The following GAREM1 variants were observed in gnomAD, a reference collection of about 807,000 sequenced individuals.
GAREM1 encodes the protein GRB2 associated regulator of MAPK1 subtype 1.
A neutral mutation model predicts 71.3 loss-of-function variants in GAREM1; 26 were observed. The observed-to-expected ratio is 0.36, with a 90% CI of 0.27 to 0.51. The LOEUF is 0.51. Among genes scored for constraint, GAREM1 ranks in the 20% least tolerant of loss-of-function variants. The probability of loss-of-function intolerance (pLI) is 0.95; values close to 1 mark genes in which losing one functional copy is unlikely to be tolerated. For missense variants in GAREM1, 1,026 were observed against 1,103.1 expected (o/e 0.93, Z 0.99); for synonymous variants, 440 against 433.2 (o/e 1.02, Z -0.20).
chr18:32,319,956 T>A (rs565324314), intron 2 of GAREM1, among the ~76,000 whole-genome samples: 8 of 152,196 alleles, frequency 5.3e-5, no homozygotes, highest in African/African-American at 1.7e-4. Flanking sequence ...GCCCCAGTGA[T>A]GTTGAAGTTA....
chr18:32,317,750 C>T (rs2047394231), intron 2 of GAREM1, among the ~76,000 whole-genome samples: 1 of 143,338 alleles, frequency 7.0e-6, no homozygotes, highest in African/African-American at 2.6e-5. Context: ...ACGTTAAGTA[C>T]TCTGGGAAAA....
intron 2 of GAREM1, among the ~76,000 whole-genome samples, chr18:32,374,312 G>A (rs1246659706): frequency 6.6e-6 from 1 of 152,192 alleles, no homozygotes; most frequent in Admixed American, 6.5e-5. Context: ...ACAATAATTA[G>A]AGTGCTTCCT....
intron 2 of GAREM1, among the ~76,000 whole-genome samples, chr18:32,320,588 G>T (rs2047419177): frequency 6.6e-6 from 1 of 152,068 alleles, no homozygotes; most frequent in African/African-American, 2.4e-5. Flanking sequence ...CAAAAATAAT[G>T]AACTGCACCA....
intron 4 of GAREM1, among the ~76,000 whole-genome samples, chr18:32,270,960 G>A (rs2041454003): frequency 7.6e-6 from 1 of 130,896 alleles, no homozygotes; most frequent in African/African-American, 2.7e-5. Context: ...GGAATGCAAT[G>A]GCACAATCTC....
At chr18:32,292,176 C>G (rs768622313) in intron 3 of GAREM1, among the ~76,000 whole-genome samples, 8 of 152,122 alleles carry the variant, frequency 5.3e-5, no homozygotes, top group African/African-American at 1.9e-4. Context: ...TTTTAAATGA[C>G]TGCCATTCTA....
intron 2 of GAREM1, among the ~76,000 whole-genome samples, chr18:32,369,536 A>G (rs1283024196): frequency 2.0e-5 from 3 of 152,178 alleles, no homozygotes; most frequent in Non-Finnish European, 2.9e-5. Context: ...GGATGGAGGG[A>G]GGGATTTACA....
chr18:32,458,690 T>C (rs2048921240), intron 1 of GAREM1, among the ~76,000 whole-genome samples: 1 of 151,392 alleles, frequency 6.6e-6, no homozygotes, highest in African/African-American at 2.4e-5. Context: ...GCTCAGGAAA[T>C]TCACAAACAA....
At chr18:32,315,423 A>G (rs1457801818) in intron 2 of GAREM1, among the ~76,000 whole-genome samples, 1 of 147,740 alleles carries the variant, frequency 6.8e-6, no homozygotes, top group Non-Finnish European at 1.5e-5. Context: ...ATAAATATAT[A>G]TAAAGTATAT....
chr18:32,458,166 T>C (rs1457688287), intron 1 of GAREM1, among the ~76,000 whole-genome samples: 2 of 152,128 alleles, frequency 1.3e-5, no homozygotes, highest in Admixed American at 6.6e-5. Context: ...AATAATTAAA[T>C]ATTTTTACAA....
rs1369494572 is a variant in GAREM1 at position 32,310,216 on chromosome 18, C to T, written c.370G>A (p.Glu124Lys). The T allele has an allele frequency of 4.3e-6, 7 of 1,614,020 alleles. No homozygotes were observed. The highest frequency in any genetic ancestry group is 1.3e-5 in the African/African-American group (1 of 74,926). ...KAFPERVYVM[E>K]DITFNVKVAS... ...ACCTTCACGTTGAATGTGATATCCTCCATGACGTACACGCGTTCAGGAAAT... is the reference window on the plus strand; with the variant it reads ...ACCTTCACGTTGAATGTGATATCCTTCATGACGTACACGCGTTCAGGAAAT... Residue 124 changes from glutamate to lysine, a missense_variant, in exon 3 of 6, where the codon GAG becomes AAG. Glu to Lys is a moderately conservative substitution (Grantham distance 56). Transcript: ENST00000269209.
chr18:32,355,220 T>C (rs1465578206), intron 2 of GAREM1, among the ~76,000 whole-genome samples: 1 of 152,146 alleles, frequency 6.6e-6, no homozygotes. Flanking sequence ...GTATTCTTTT[T>C]CCACATCTAT....
chr18:32,277,894 T>C (rs970982650), intron 4 of GAREM1, among the ~76,000 whole-genome samples: 1 of 152,090 alleles, frequency 6.6e-6, no homozygotes, highest in Admixed American at 6.5e-5. Flanking sequence ...AACTGAAACA[T>C]ACATACAATT....
At chr18:32,389,840 T>C (rs1252075982) in intron 2 of GAREM1, among the ~76,000 whole-genome samples, 1 of 152,138 alleles carries the variant, frequency 6.6e-6, no homozygotes, top group Non-Finnish European at 1.5e-5. Context: ...TGATCAATCA[T>C]ATCAAGACTC....
intron 2 of GAREM1, among the ~76,000 whole-genome samples, chr18:32,320,840 G>A (rs1236134551): frequency 6.6e-6 from 1 of 152,126 alleles, no homozygotes; most frequent in Admixed American, 6.5e-5. Context: ...CTGGTTAATT[G>A]CTTCTTCAGA....
In GAREM1 at chr18:32,454,049, T is replaced by C. The variant is rs553660111; in HGVS notation, c.121+16259A>G. On this transcript the variant is annotated intron_variant, in intron 1 of 5. Transcript: ENST00000269209. ...CGTAATATGAGAAAAAATTACACTA[T>C]GGTTGTATATAATAGTGACCTCATC... 3.9e-5 allele frequency among the ~76,000 whole-genome samples: 6 copies of C among 152,270 alleles called. No individual in the cohort carries two copies. The East Asian group carries it at 7.7e-4, about 20-fold the overall frequency.
At chr18:32,327,842 C>T (rs2047488921) in intron 2 of GAREM1, among the ~76,000 whole-genome samples, 1 of 152,208 alleles carries the variant, frequency 6.6e-6, no homozygotes, top group African/African-American at 2.4e-5. Context: ...GAGGACATTT[C>T]GGGGCTTCAG....
chr18:32,331,220 T>C (rs2047532283), intron 2 of GAREM1, among the ~76,000 whole-genome samples: 3 of 152,230 alleles, frequency 2.0e-5, no homozygotes, highest in Admixed American at 2.0e-4. Flanking sequence ...TTTGGAGTTA[T>C]ACCCTTTCTT....
At chr18:32,314,645 A>G (rs1466301008) in intron 2 of GAREM1, among the ~76,000 whole-genome samples, 1 of 151,230 alleles carries the variant, frequency 6.6e-6, no homozygotes, top group African/African-American at 2.4e-5. Flanking sequence ...CTGGAGTGCA[A>G]TGCTGCGATC....
At chr18:32,320,931 T>C (rs570493835) in intron 2 of GAREM1, among the ~76,000 whole-genome samples, 35 of 152,320 alleles carry the variant, frequency 2.3e-4, no homozygotes, top group Non-Finnish European at 4.1e-4. Context: ...TGGTTGCTAA[T>C]ACATTATGAA....
Sources: gnomAD v4.1 joint callset for allele counts (sites outside exome capture counted in the v4.1 genomes callset) on GRCh38, gnomAD v4.1.1 for gene constraint, MANE v1.5 for transcripts, NCBI Gene and HGNC (gene_info 2026-07-23, HGNC 2026-07-21) for gene names.